Variants in RHPN1 observed in about 807,000 individuals in gnomAD.
RHPN1 encodes rhophilin Rho GTPase binding protein 1, also known as rhophilin-1.
A neutral mutation model predicts 74.7 loss-of-function variants in RHPN1; 77 were observed. That is an observed-to-expected ratio of 1.03 (90% CI 0.86 to 1.25). The LOEUF is 1.25. Among genes scored for constraint, RHPN1 ranks in the 50% most tolerant of loss-of-function variants. RHPN1 has a pLI of 0.00. For synonymous variants in RHPN1, 444 were observed against 414.5 expected, an observed-to-expected ratio of 1.07 and a Z score of -0.87; for missense variants, 987 against 932.2, an observed-to-expected ratio of 1.06 and a Z score of -0.77.
intron 2 of RHPN1, 77 bp downstream of exon 2, chr8:143,375,745 T>A (rs1818173350): frequency 9.1e-7 from 1 of 1,101,776 alleles, no homozygotes; most frequent in Non-Finnish European, 1.3e-6. Flanking sequence ...CGCAGGCAGA[T>A]GTCTGCCCCA....
intron 1 of RHPN1, 81 bp downstream of exon 1, chr8:143,369,128 G>A: frequency 8.7e-7 from 1 of 1,152,868 alleles, no homozygotes; most frequent in Non-Finnish European, 1.2e-6. Flanking sequence ...CGCGTTCCGG[G>A]CGCCCCCCTC....
chr8:143,372,009 C>T (rs1817855564), intron 1 of RHPN1, among the ~76,000 whole-genome samples: 1 of 152,252 alleles, frequency 6.6e-6, no homozygotes. Flanking sequence ...CGGGAAGTCA[C>T]TTGGCCTGCA....
At position 143,382,517 on chromosome 8, in the gene RHPN1, AC is replaced by A. The variant is rs777448825; in HGVS notation, c.1880del (p.Thr627SerfsTer30). 1.2e-6 allele frequency: 2 copies of A among 1,610,148 alleles called. No homozygotes were observed. Among genetic ancestry groups the A allele is most frequent in the South Asian group, 2.2e-5 (2 of 90,576 alleles). ...GCATGGTTGCAAGACCCCGGCATCC[AC>A]GTGGGCCAGTCCCCGGCCCCTCCTC... ...REHGCKTPAS[T>X]WASPRPLLNW... On this transcript the variant is annotated frameshift_variant, in exon 15 of 15. Coordinates refer to ENST00000289013, the MANE Select transcript of RHPN1 (RefSeq NM_052924.3). LOFTEE classifies it low-confidence loss of function (END_TRUNC).
At position 143,382,516 on chromosome 8, in the gene RHPN1, C is replaced by T; in HGVS notation, c.1878C>T (p.Ser626=). 6.2e-7 allele frequency: 1 copy of T among 1,610,004 alleles called. No homozygotes were observed. Among genetic ancestry groups the T allele is most frequent in the Non-Finnish European group, 8.5e-7 (1 of 1,178,872 alleles). Residue 626 remains serine, a synonymous_variant, in exon 15 of 15, where the codon TCC becomes TCT. Transcript: ENST00000289013. The part of the protein sequence containing the change: ...QREHGCKTPA[S]TWASPRPLLN... ...AGCATGGTTGCAAGACCCCGGCATC[C>T]ACGTGGGCCAGTCCCCGGCCCCTCC... is the stretch of plus-strand genomic sequence containing the variant.
Position 143,379,079 on chromosome 8 carries a change from G to A in RHPN1, c.751+1G>A, listed in dbSNP as rs898004751. ...ATGGAGGCCTTCCAGAGGGCCGCTG[G>A]TGAGGGCGGCCCGGGCCGCGGTGGG... is the stretch of plus-strand genomic sequence containing the variant. On this transcript the variant is annotated splice_donor_variant, in intron 7 of 14. Coordinates refer to ENST00000289013, the MANE Select transcript of RHPN1 (RefSeq NM_052924.3). LOFTEE classifies it high-confidence loss of function. The A allele has an allele frequency of 2.0e-6, 3 of 1,510,008 alleles. No individual in the cohort carries two copies. The highest frequency in any genetic ancestry group is 2.5e-5 in the East Asian group (1 of 40,474). The allele number at this position is 1,510,008 out of a possible 1,614,324, so 93.5% of individuals were successfully genotyped here.
Position 143,379,053 on chromosome 8 carries a change from T to C in RHPN1, c.726T>C (p.Ala242=), listed in dbSNP as rs1417896492. 2 of 1,533,678 alleles carry C rather than the reference T, an allele frequency of 1.3e-6. No individual in the cohort carries two copies. Among genetic ancestry groups the C allele is most frequent in the East Asian group, 4.9e-5 (2 of 40,636 alleles). The change falls in exon 7 of 15, where the codon GCT becomes GCC. Residue 242 remains alanine, a synonymous_variant. Transcript: ENST00000289013. ...DRSCTEGARR[A]MEAFQRAAGA... ...CCTGCACCGAGGGTGCCCGCCGCGC[T>C]ATGGAGGCCTTCCAGAGGGCCGCTG...
chr8:143,369,873 T>G (rs1018558703), intron 1 of RHPN1, among the ~76,000 whole-genome samples: 1 of 152,158 alleles, frequency 6.6e-6, no homozygotes, highest in African/African-American at 2.4e-5. Context: ...CTACTCGGCT[T>G]TGGTGTTTGG....
intron 2 of RHPN1, among the ~76,000 whole-genome samples, chr8:143,376,147 G>A (rs963752212): frequency 1.3e-5 from 2 of 152,184 alleles, no homozygotes; most frequent in Admixed American, 6.5e-5. Context: ...GGGGACCTCC[G>A]GTCCCTTTGC....
At position 143,379,870 on chromosome 8, in the gene RHPN1, G is replaced by GC. The variant is rs1156545542; in HGVS notation, c.989dup (p.Pro331ThrfsTer59). 6.2e-7 allele frequency: 1 copy of GC among 1,610,952 alleles called. No individual in the cohort carries two copies. Among genetic ancestry groups the GC allele is most frequent in the South Asian group, 1.1e-5 (1 of 90,838 alleles). ...GGCTAGTGCACCGGACCATGGCCCA[G>GC]CCACCCGTCCACGACTACGTGCCTG... is the stretch of plus-strand genomic sequence containing the variant. On this transcript the variant is annotated frameshift_variant, in exon 9 of 15. Coordinates refer to ENST00000289013, the MANE Select transcript of RHPN1 (RefSeq NM_052924.3). LOFTEE classifies it high-confidence loss of function.
rs895288885 is a variant in RHPN1 at position 143,383,916 on chromosome 8, G to A, written c.*1265G>A. 10 of 152,350 alleles carry A rather than the reference G, an allele frequency of 6.6e-5. No individual in the cohort carries two copies. The highest frequency in any genetic ancestry group is 1.5e-4 in the Non-Finnish European group (10 of 68,168). The allele number at this position is 152,350 out of a possible 1,614,324, so 9.4% of individuals were successfully genotyped here. A position where few individuals can be genotyped will look rare whatever the true frequency, so the allele number is the denominator to read the frequency against. On this transcript the variant is annotated 3_prime_UTR_variant, in exon 15 of 15. Coordinates refer to ENST00000289013, the MANE Select transcript of RHPN1 (RefSeq NM_052924.3). ...GTCCCTTCCGAGGGTCCGCAGGTGA[G>A]AGCAGCCTGCCCTGCATCCCAGGCT...
intron 1 of RHPN1, among the ~76,000 whole-genome samples, chr8:143,373,750 C>T (rs1818026149): frequency 6.6e-6 from 1 of 151,710 alleles, no homozygotes; most frequent in African/African-American, 2.4e-5. Context: ...GGTGCCTCAT[C>T]CTCCAGTCTC....
In RHPN1 at chr8:143,375,572, A is replaced by G. The variant is rs753293676; in HGVS notation, c.80A>G (p.Gln27Arg). 5.0e-6 allele frequency: 8 copies of G among 1,601,082 alleles called. No homozygotes were observed. The Admixed American group carries it at 1.1e-4, about 21-fold the overall frequency. The change falls in exon 2 of 15, where the codon CAG (glutamine) becomes CGG (arginine). Residue 27 changes from glutamine (Q) to arginine (R), a missense_variant. Transcript: ENST00000289013. ...PRLQGCDSLT[Q>R]IQCGQLQSRR... ...CTGCAGGGCTGTGACTCCCTGACGC[A>G]GATCCAGTGCGGCCAGCTGCAGAGC...
intron 7 of RHPN1, 31 bp downstream of exon 7, chr8:143,379,109 G>A (rs560478929): frequency 2.1e-5 from 31 of 1,465,446 alleles, no homozygotes; most frequent in Admixed American, 7.8e-5. Context: ...GGTGGGGCAC[G>A]GCGCGGTGCC....
upstream of RHPN1, chr8:143,368,767 A>G (rs1031110690): frequency 5.6e-5 from 18 of 321,724 alleles, no homozygotes; most frequent in Non-Finnish European, 5.6e-5. Flanking sequence ...TCGAAGCGGC[A>G]TTGCCGCCTA....
At chr8:143,380,009 A>G (rs982876430) in intron 9 of RHPN1, 24 bp downstream of exon 9, 6 of 1,552,170 alleles carry the variant, frequency 3.9e-6, no homozygotes, top group Non-Finnish European at 5.2e-6. Flanking sequence ...ACACTTGCCC[A>G]TGGTACTGCC....
intron 4 of RHPN1, among the ~76,000 whole-genome samples, chr8:143,377,662 C>T (rs900583738): frequency 2.6e-5 from 4 of 152,126 alleles, no homozygotes; most frequent in Admixed American, 2.0e-4. Context: ...CTGGTGCCTG[C>T]GCCCCAGGCC....
chr8:143,375,721 G>A lies in RHPN1; in HGVS notation c.176+53G>A, dbSNP rs1042647815. 1.4e-4 allele frequency: 193 copies of A among 1,380,352 alleles called. 1 individual carries two copies. The African/African-American group carries it at 2.2e-3, about 16-fold the overall frequency. 85.5% of individuals were successfully genotyped at this position (1,380,352 alleles called of 1,614,324 possible). On this transcript the variant is annotated intron_variant, in intron 2 of 14. Transcript: ENST00000289013. ...GGAGCAGGGCCCACCTGGGTGAGGG[G>A]GGCAGGACAGCCACGCAGGCAGATG...
At chr8:143,367,601 G>A (rs1215271138), upstream of RHPN1, 2 of 152,224 alleles carry the variant, frequency 1.3e-5, no homozygotes, top group African/African-American at 4.8e-5. Context: ...AGATGGCTGC[G>A]GCAGACCACG....
At chr8:143,374,062 T>C (rs1031362906) in intron 1 of RHPN1, 124 of 943,964 alleles carry the variant, frequency 1.3e-4, no homozygotes, top group Non-Finnish European at 1.5e-4. Flanking sequence ...AAACCTTTCT[T>C]GTATAATGGG....
Sources: gnomAD v4.1 joint callset for allele counts (sites outside exome capture counted in the v4.1 genomes callset) on GRCh38, gnomAD v4.1.1 for gene constraint, MANE v1.5 for transcripts, NCBI Gene and HGNC (gene_info 2026-07-23, HGNC 2026-07-21) for gene names.